Variants in RFTN2 observed in about 807,000 individuals in gnomAD.
RFTN2 encodes the protein raftlin family member 2, also known as raftlin-2.
Under a neutral mutation model 52.7 loss-of-function variants are expected in RFTN2, and 34 were observed. That is an observed-to-expected ratio of 0.64 (90% CI 0.49 to 0.86). RFTN2 has a LOEUF of 0.86. RFTN2 is among the 40% of genes least tolerant of loss of function. The pLI is 0.00. For missense variants in RFTN2, 536 were observed against 600.1 expected (o/e 0.89, Z 1.12); for synonymous variants, 203 against 217.7 (o/e 0.93, Z 0.59).
intron 8 of RFTN2, among the ~76,000 whole-genome samples, chr2:197,591,595 T>C (rs1376736125): frequency 6.6e-6 from 1 of 152,110 alleles, no homozygotes; most frequent in Non-Finnish European, 1.5e-5. Flanking sequence ...CCGTGCACAC[T>C]GGAGCAGGGG....
In RFTN2 at chr2:197,633,587, G is replaced by A. The variant is rs181046636; in HGVS notation, c.718+131C>T. On this transcript the variant is annotated intron_variant, in intron 4 of 8. Transcript: ENST00000295049. ...CTGTAATAACTTTTAAAAATCATGAGGTTTTTATTAGTTCATTTAGTCATT... is the reference window on the plus strand; with the variant it reads ...CTGTAATAACTTTTAAAAATCATGAAGTTTTTATTAGTTCATTTAGTCATT... 80 of 729,524 alleles carry A rather than the reference G, an allele frequency of 1.1e-4. No individual in the cohort carries two copies. The African/African-American group carries it at 1.4e-3, about 13-fold the overall frequency. 45.2% of individuals were successfully genotyped at this position (729,524 alleles called of 1,614,324 possible).
intron 8 of RFTN2, among the ~76,000 whole-genome samples, chr2:197,581,172 T>TA (rs2087502200): frequency 6.6e-6 from 1 of 152,240 alleles, no homozygotes; most frequent in African/African-American, 2.4e-5. Context: ...CATGGGCTTC[T>TA]AAAACCTATA....
At chr2:197,655,743 G>T (rs1260215732) in intron 1 of RFTN2, among the ~76,000 whole-genome samples, 1 of 152,108 alleles carries the variant, frequency 6.6e-6, no homozygotes, top group Non-Finnish European at 1.5e-5. Context: ...AGAATCGCTT[G>T]AACCTAGGAG....
intron 8 of RFTN2, among the ~76,000 whole-genome samples, chr2:197,592,075 AGAGT>A (rs1346537414): frequency 6.6e-6 from 1 of 152,268 alleles, no homozygotes; most frequent in African/African-American, 2.4e-5. Context: ...GGAGGCGCGG[AGAGT>A]GAGTGAGGGC....
chr2:197,605,505 G>T lies in RFTN2; in HGVS notation c.1155-9436C>A, dbSNP rs532037207. Among the ~76,000 whole-genome samples the T allele has an allele frequency of 2.0e-5, 3 of 152,214 alleles. No individual in the cohort carries two copies. The South Asian group carries it at 6.2e-4, about 32-fold the overall frequency. On this transcript the variant is annotated intron_variant, in intron 7 of 8. Coordinates refer to ENST00000295049, the MANE Select transcript of RFTN2 (RefSeq NM_144629.3). ...GCTGAGATTACAGGCGTGAGCCACC[G>T]CGCCTGGCCGAATTTGTTGGGTTTT... is the stretch of plus-strand genomic sequence containing the variant.
chr2:197,669,592 T>C (rs896714651), intron 1 of RFTN2, among the ~76,000 whole-genome samples: 1 of 152,108 alleles, frequency 6.6e-6, no homozygotes, highest in African/African-American at 2.4e-5. Flanking sequence ...TCATCAGGCA[T>C]TAGTTAGATT....
intron 8 of RFTN2, among the ~76,000 whole-genome samples, chr2:197,591,882 T>G (rs1258119012): frequency 6.6e-6 from 1 of 151,808 alleles, no homozygotes; most frequent in East Asian, 1.9e-4. Flanking sequence ...CGCCCTGGCT[T>G]GCAAGCACTG....
chr2:197,594,480 A>G (rs542087507), intron 8 of RFTN2, among the ~76,000 whole-genome samples: 1 of 152,112 alleles, frequency 6.6e-6, no homozygotes, highest in East Asian at 1.9e-4. Flanking sequence ...GGCATGTGCC[A>G]CCATGCCTGC....
At chr2:197,661,233 ATTT>A (rs112056862) in intron 1 of RFTN2, among the ~76,000 whole-genome samples, 1 of 144,632 alleles carries the variant, frequency 6.9e-6, no homozygotes. Context: ...ATTTAATTTA[ATTT>A]TTTTTTTTTT....
intron 1 of RFTN2, among the ~76,000 whole-genome samples, chr2:197,654,191 G>A (rs1368976285): frequency 6.6e-6 from 1 of 151,708 alleles, no homozygotes; most frequent in Non-Finnish European, 1.5e-5. Flanking sequence ...AGTTTGAGAC[G>A]AACCTGGGCT....
intron 1 of RFTN2, among the ~76,000 whole-genome samples, chr2:197,651,586 A>G (rs1330698751): frequency 1.3e-5 from 2 of 152,206 alleles, no homozygotes; most frequent in South Asian, 2.1e-4. Flanking sequence ...ACTGCATTCC[A>G]GCCTGGGTGA....
At chr2:197,595,889 T>C in intron 8 of RFTN2, 102 bp downstream of exon 8, 1 of 793,438 alleles carries the variant, frequency 1.3e-6, no homozygotes, top group Non-Finnish European at 2.1e-6. Context: ...GAGGACTGTT[T>C]CCATATCATG....
chr2:197,590,765 G>A lies in RFTN2; in HGVS notation c.1233+5226C>T, dbSNP rs148756448. ...TGAGTGTTACAGCTCTTAACGTGGC[G>A]CGTCTGGAGTTGTTCGTTCCTCCCG... On this transcript the variant is annotated intron_variant, in intron 8 of 8. Transcript: ENST00000295049. Among the ~76,000 whole-genome samples the A allele has an allele frequency of 7.4e-3, 1,131 of 152,270 alleles. 5 individuals carry two copies. The highest frequency in any genetic ancestry group is 0.023 in the South Asian group (111 of 4,812).
At chr2:197,646,789 C>A (rs866500448) in intron 1 of RFTN2, 123 bp from the exon 2 acceptor site, 12 of 657,624 alleles carry the variant, frequency 1.8e-5, no homozygotes, top group Middle Eastern at 4.6e-4. Context: ...ATGGCACATG[C>A]GTGTAATCCC....
At chr2:197,637,846 T>G (rs1358546917) in intron 3 of RFTN2, among the ~76,000 whole-genome samples, 5 of 152,134 alleles carry the variant, frequency 3.3e-5, no homozygotes, top group South Asian at 2.1e-4. Context: ...GTCAATTTTG[T>G]ATCTTTCCTG....
chr2:197,635,540 G>A (rs1447836101), intron 3 of RFTN2, among the ~76,000 whole-genome samples: 2 of 150,754 alleles, frequency 1.3e-5, no homozygotes, highest in Non-Finnish European at 3.0e-5. Context: ...GTCTTCTTTT[G>A]AGAAGTGTCT....
intron 5 of RFTN2, among the ~76,000 whole-genome samples, chr2:197,620,755 T>C (rs1574714423): frequency 1.3e-5 from 2 of 152,122 alleles, no homozygotes; most frequent in Admixed American, 1.3e-4. Context: ...TCACCTGCGG[T>C]AGGGAGTTTG....
chr2:197,600,022 C>T (rs989133398), intron 7 of RFTN2, among the ~76,000 whole-genome samples: 1 of 151,838 alleles, frequency 6.6e-6, no homozygotes, highest in African/African-American at 2.4e-5. Flanking sequence ...CCACATCTGG[C>T]TTTTTTTTGT....
At chr2:197,576,307 T>C (rs1396628630) in intron 8 of RFTN2, among the ~76,000 whole-genome samples, 1 of 152,022 alleles carries the variant, frequency 6.6e-6, no homozygotes, top group Non-Finnish European at 1.5e-5. Flanking sequence ...CCACTGTGAG[T>C]CAGTGGTGTG....
Sources: allele counts gnomAD v4.1 joint callset (sites outside exome capture counted in the v4.1 genomes callset), GRCh38; gene constraint gnomAD v4.1.1; transcripts MANE v1.5; gene names NCBI Gene and HGNC (gene_info 2026-07-23, HGNC 2026-07-21).